The following EMG1 variants were observed in gnomAD, a reference collection of about 807,000 sequenced individuals.
EMG1 encodes ribosomal RNA small subunit methyltransferase NEP1.
EMG1 carries 24 observed loss-of-function variants against 26.9 expected under a neutral mutation model. That is an observed-to-expected ratio of 0.89 (90% CI 0.65 to 1.26). The LOEUF (loss-of-function observed/expected upper bound fraction) is 1.26. EMG1 is among the 50% of genes most tolerant of loss of function. The pLI, the probability that EMG1 is intolerant of heterozygous loss-of-function variation, is 0.00. For missense variants in EMG1, 299 were observed against 307.6 expected (o/e 0.97, Z 0.21); for synonymous variants, 140 against 112.6 (o/e 1.24, Z -1.54).
chr12:6,975,379 G>A lies in EMG1; in HGVS notation c.621+1G>A. 6.3e-7 allele frequency: 1 copy of A among 1,593,906 alleles called. No homozygotes were observed. Among genetic ancestry groups the A allele is most frequent in the African/African-American group, 1.3e-5 (1 of 74,736 alleles). ...GGTAGGGGCCTTTGCCCATGGCAAGGTAAGGTCTGGGCTCAACCCTGAAAT... is the reference window on the plus strand; with the variant it reads ...GGTAGGGGCCTTTGCCCATGGCAAGATAAGGTCTGGGCTCAACCCTGAAAT... On this transcript the variant is annotated splice_donor_variant, in intron 5 of 5. Coordinates refer to ENST00000599672, the MANE Select transcript of EMG1 (RefSeq NM_006331.8). LOFTEE classifies it high-confidence loss of function.
At chr12:6,996,286 C>T (rs1365033492) in intron 7 of EMG1, among the ~76,000 whole-genome samples, 1 of 152,214 alleles carries the variant, frequency 6.6e-6, no homozygotes, top group Non-Finnish European at 1.5e-5. Flanking sequence ...TCCTACACCT[C>T]AGGTCCTTTG....
At chr12:6,990,237 C>T (rs983040216), downstream of EMG1, among the ~76,000 whole-genome samples, 2 of 150,298 alleles carry the variant, frequency 1.3e-5, no homozygotes, top group Admixed American at 6.6e-5. Context: ...AAGCGGGGCA[C>T]GGTGGCTCAT....
intron 5 of EMG1, 158 bp from the exon 6 acceptor site, chr12:6,975,538 T>C (rs1555153035): frequency 1.0e-5 from 10 of 985,838 alleles, no homozygotes; most frequent in Middle Eastern, 2.9e-4. Context: ...GCTGCCATAA[T>C]TGGAAGTCAC....
chr12:6,992,779 T>C (rs191456003), downstream of EMG1, among the ~76,000 whole-genome samples: 190 of 152,334 alleles, frequency 1.2e-3, no homozygotes, highest in Admixed American at 0.01. Context: ...TACAGTTATC[T>C]CTTGGTGTCC....
chr12:6,984,918 C>T (rs1752895501), downstream of EMG1, among the ~76,000 whole-genome samples: 1 of 152,116 alleles, frequency 6.6e-6, no homozygotes, highest in Admixed American at 6.6e-5. Context: ...AATTATGTAA[C>T]TGCAGTTTTT....
downstream of EMG1, chr12:6,983,615 C>A: frequency 1.2e-6 from 1 of 858,548 alleles, no homozygotes; most frequent in Non-Finnish European, 1.9e-6. Context: ...GTTTATCTGG[C>A]ATGAAACGCA....
At chr12:6,972,156 T>C (rs1242592979) in intron 1 of EMG1, among the ~76,000 whole-genome samples, 1 of 146,972 alleles carries the variant, frequency 6.8e-6, no homozygotes, top group East Asian at 2.0e-4. Context: ...AGCCTCCGCC[T>C]CCCGGGTTCA....
chr12:6,993,010 C>T (rs1416437790), downstream of EMG1, among the ~76,000 whole-genome samples: 1 of 152,018 alleles, frequency 6.6e-6, no homozygotes, highest in Non-Finnish European at 1.5e-5. Flanking sequence ...TATTATTTAG[C>T]TTAGAATCCA....
chr12:6,978,142 C>T lies in EMG1; in HGVS notation c.*2333C>T, dbSNP rs781908405. On this transcript the variant is annotated 3_prime_UTR_variant, in exon 6 of 6. Transcript: ENST00000599672. Reference sequence around the variant, plus strand: ...CCCAGGTCTTAACGCACTTTTATATCTTGCCTTTTTTTCAAATATGACAGT... The same window carrying T: ...CCCAGGTCTTAACGCACTTTTATATTTTGCCTTTTTTTCAAATATGACAGT... 1.7e-4 allele frequency: 112 copies of T among 644,160 alleles called. 1 individual carries two copies. The East Asian group carries it at 3.0e-3, about 17-fold the overall frequency. 39.9% of individuals were successfully genotyped at this position (644,160 alleles called of 1,614,324 possible).
rs2138327304 is a variant in EMG1, at chr12:6,977,863, GC to G, written c.*2059del. On this transcript the variant is annotated 3_prime_UTR_variant, in exon 6 of 6. Coordinates refer to ENST00000599672, the MANE Select transcript of EMG1 (RefSeq NM_006331.8). The surrounding 1 kb of genome is among the most constrained non-coding windows in gnomAD (Gnocchi z 4.5). The stretch of plus-strand genomic sequence containing the variant: ...GAGTGCTGGTGGGTTCCCACGTGTA[GC>G]CCCCAGAGGGTACAGGAGGCAGTGC... 4.2e-6 allele frequency: 5 copies of G among 1,187,978 alleles called. No individual in the cohort carries two copies. The highest frequency in any genetic ancestry group is 4.9e-6 in the Non-Finnish European group (4 of 817,516). The allele number at this position is 1,187,978 out of a possible 1,614,324, so 73.6% of individuals were successfully genotyped here. A position where few individuals can be genotyped will look rare whatever the true frequency, so the allele number is the denominator to read the frequency against.
At chr12:6,973,616 C>T (rs980380785) in intron 1 of EMG1, among the ~76,000 whole-genome samples, 83 of 152,274 alleles carry the variant, frequency 5.5e-4, no homozygotes, top group African/African-American at 1.9e-3. Flanking sequence ...AGTGCAGTGG[C>T]GCTGCAAGCT....
chr12:6,982,607 C>A, downstream of EMG1: 5 of 1,164,826 alleles, frequency 4.3e-6, no homozygotes, highest in Non-Finnish European at 6.4e-6. Context: ...ATACCACAGT[C>A]CCCTGCCTAC....
At chr12:6,980,053 T>C (rs1453640356), downstream of EMG1, 1 of 151,544 alleles carries the variant, frequency 6.6e-6, no homozygotes, top group Non-Finnish European at 1.4e-5. Context: ...ACCATTTTAA[T>C]TTTTATTTTC....
At chr12:6,981,361 T>C (rs782288566), downstream of EMG1, 41 of 672,536 alleles carry the variant, frequency 6.1e-5, no homozygotes, top group Non-Finnish European at 9.9e-5. Context: ...AGCTGGCTGT[T>C]GCTGCTTTAG....
At chr12:6,985,086 C>T (rs1190785799) in intron 6 of EMG1, among the ~76,000 whole-genome samples, 11 of 72,106 alleles carry the variant, frequency 1.5e-4, no homozygotes, top group African/African-American at 5.8e-4. Context: ...TTCCCCCATA[C>T]ATTAAAAAAA....
At chr12:6,992,473 G>A (rs1166866587), downstream of EMG1, among the ~76,000 whole-genome samples, 1 of 152,200 alleles carries the variant, frequency 6.6e-6, no homozygotes, top group East Asian at 1.9e-4. Context: ...TAAGGCGCCA[G>A]CAGTTTTACC....
chr12:6,981,457 T>A, downstream of EMG1: 2 of 883,096 alleles, frequency 2.3e-6, no homozygotes, highest in Non-Finnish European at 3.8e-6. Context: ...TGCTCAGTGC[T>A]ATCTGAAAGG....
chr12:6,984,022 C>G (rs967695673), downstream of EMG1, among the ~76,000 whole-genome samples: 1 of 152,164 alleles, frequency 6.6e-6, no homozygotes, highest in African/African-American at 2.4e-5. Context: ...CATCTATGCT[C>G]CAGAAACACT....
downstream of EMG1, chr12:6,982,843 A>T: frequency 9.3e-7 from 1 of 1,069,904 alleles, no homozygotes; most frequent in Non-Finnish European, 1.4e-6. Context: ...TGAGACTTCC[A>T]ATCACAACGT....
Sources: allele counts gnomAD v4.1 joint callset (sites outside exome capture counted in the v4.1 genomes callset), GRCh38; gene constraint gnomAD v4.1.1; non-coding constraint Gnocchi (gnomAD v3.1); transcripts MANE v1.5; gene names NCBI Gene and HGNC (gene_info 2026-07-23, HGNC 2026-07-21).